Variants in ARHGEF28 observed in about 807,000 individuals in gnomAD.
ARHGEF28 encodes the protein Rho guanine nucleotide exchange factor 28.
In ARHGEF28, 152 loss-of-function variants were observed where a neutral mutation model predicts 206.6. The observed-to-expected ratio is 0.74, with a 90% CI of 0.64 to 0.84. ARHGEF28 has a LOEUF of 0.84. ARHGEF28 is among the 40% of genes least tolerant of loss of function. ARHGEF28 has a pLI of 0.00. For missense variants in ARHGEF28, 2,028 were observed against 2,073.2 expected (o/e 0.98, Z 0.42); for synonymous variants, 763 against 776.4 (o/e 0.98, Z 0.29).
intron 4 of ARHGEF28, among the ~76,000 whole-genome samples, chr5:73,755,323 G>A (rs1752248472): frequency 6.6e-6 from 1 of 151,292 alleles, no homozygotes; most frequent in South Asian, 2.1e-4. Flanking sequence ...TTTTGGGGGG[G>A]TGTGGATCCA....
chr5:73,663,315 C>G (rs1745733557), intron 1 of ARHGEF28, among the ~76,000 whole-genome samples: 1 of 152,150 alleles, frequency 6.6e-6, no homozygotes, highest in Non-Finnish European at 1.5e-5. Context: ...CAGGACTGTT[C>G]CTGTTACAGG....
At chr5:73,923,201 G>A in intron 35 of ARHGEF28, 1 of 1,511,952 alleles carries the variant, frequency 6.6e-7, no homozygotes, top group Non-Finnish European at 8.9e-7. Flanking sequence ...CTTCTTTTAG[G>A]GTACTCCACT....
At chr5:73,763,495 G>A (rs970776275) in intron 4 of ARHGEF28, among the ~76,000 whole-genome samples, 2 of 152,124 alleles carry the variant, frequency 1.3e-5, no homozygotes, top group African/African-American at 4.8e-5. Flanking sequence ...CATCTGCGAG[G>A]CATGATGAGT....
intron 35 of ARHGEF28, among the ~76,000 whole-genome samples, chr5:73,914,465 T>C (rs1429561863): frequency 6.6e-6 from 1 of 150,586 alleles, no homozygotes; most frequent in East Asian, 1.9e-4. Context: ...GGTAATATCT[T>C]GGCTCACTGC....
At position 73,757,441 on chromosome 5, in the gene ARHGEF28, G is replaced by A. The variant is rs1752376050; in HGVS notation, c.475+4239G>A. Among the ~76,000 whole-genome samples the A allele has an allele frequency of 2.0e-5, 3 of 152,244 alleles. No individual in the cohort carries two copies. In the South Asian group the frequency reaches 6.2e-4, roughly 32 times the overall value. On this transcript the variant is annotated intron_variant, in intron 4 of 35. Coordinates refer to ENST00000513042, the MANE Select transcript of ARHGEF28 (RefSeq NM_001177693.2). ...ATTCATTGATTTCTGTAATGACTTTGTCTTGGAAGAGTGATCAAAACCCTG... is the reference window on the plus strand; with the variant it reads ...ATTCATTGATTTCTGTAATGACTTTATCTTGGAAGAGTGATCAAAACCCTG...
intron 9 of ARHGEF28, among the ~76,000 whole-genome samples, chr5:73,821,534 C>T (rs138114875): frequency 2.0e-5 from 3 of 152,162 alleles, no homozygotes; most frequent in Admixed American, 6.5e-5. Flanking sequence ...CTGACTTATT[C>T]GTAGAGTTCT....
At chr5:73,898,376 T>A in intron 30 of ARHGEF28, 1 of 211,894 alleles carries the variant, frequency 4.7e-6, no homozygotes, top group Non-Finnish European at 9.7e-6. Context: ...CTACCCTGCC[T>A]CATTTTTGAT....
chr5:73,926,805 T>G (rs1763839000), intron 35 of ARHGEF28, among the ~76,000 whole-genome samples: 2 of 152,212 alleles, frequency 1.3e-5, no homozygotes, highest in South Asian at 4.1e-4. Flanking sequence ...GATATTCTGC[T>G]TTTATTCTAC....
At chr5:73,778,128 C>T (rs1252853657) in intron 6 of ARHGEF28, 1 of 151,762 alleles carries the variant, frequency 6.6e-6, no homozygotes, top group Admixed American at 6.6e-5. Flanking sequence ...TGTGGTTTCT[C>T]ACCAAAGCAC....
chr5:73,913,353 A>T (rs77999927), intron 35 of ARHGEF28, among the ~76,000 whole-genome samples: 9 of 123,354 alleles, frequency 7.3e-5, no homozygotes, highest in African/African-American at 3.1e-4. Context: ...ATTTATGTTT[A>T]CTTCATGATA....
At chr5:73,803,841 C>T (rs148954781) in intron 9 of ARHGEF28, among the ~76,000 whole-genome samples, 8,156 of 152,168 alleles carry the variant, frequency 0.054, 291 homozygotes, top group African/African-American at 0.096. Context: ...AATCCCAGCA[C>T]TTTGGGAGGC....
At chr5:73,741,163 C>T (rs1025571090) in intron 2 of ARHGEF28, among the ~76,000 whole-genome samples, 1 of 151,838 alleles carries the variant, frequency 6.6e-6, no homozygotes, top group African/African-American at 2.4e-5. Flanking sequence ...AGGAAGCAAG[C>T]TAAGGGGCTT....
chr5:73,790,140 G>C (rs886477345), intron 7 of ARHGEF28, among the ~76,000 whole-genome samples: 14 of 151,816 alleles, frequency 9.2e-5, no homozygotes, highest in African/African-American at 3.4e-4. Flanking sequence ...CAGACAAAAA[G>C]AGCAATGGAA....
intron 2 of ARHGEF28, among the ~76,000 whole-genome samples, chr5:73,723,318 A>AG (rs1306947411): frequency 3.9e-5 from 6 of 151,962 alleles, no homozygotes; most frequent in Admixed American, 1.3e-4. Flanking sequence ...CCTCCTGAGT[A>AG]CTGGGACTAC....
intron 1 of ARHGEF28, among the ~76,000 whole-genome samples, chr5:73,674,712 C>A (rs12516123): frequency 0.01 from 1,534 of 152,102 alleles, 26 homozygotes; most frequent in African/African-American, 0.035. Flanking sequence ...AGCTCCACCC[C>A]CCAACCTCTG....
rs189884135 is a variant in ARHGEF28, at chr5:73,798,367, A to G, written c.1024+2976A>G. ...ACCCATCCTTTGTAATGTTTTATTG[A>G]CCTTTCAGGGCATCAAGAATTAACA... On this transcript the variant is annotated intron_variant, in intron 9 of 35. Coordinates refer to ENST00000513042, the MANE Select transcript of ARHGEF28 (RefSeq NM_001177693.2). Among the ~76,000 whole-genome samples, 389 of 152,070 alleles carry G rather than the reference A, an allele frequency of 2.6e-3. 1 individual carries two copies. The highest frequency in any genetic ancestry group is 8.7e-3 in the African/African-American group (359 of 41,484).
chr5:73,630,760 C>A (rs56692172), intron 1 of ARHGEF28, among the ~76,000 whole-genome samples: 5,025 of 152,224 alleles, frequency 0.033, 299 homozygotes, highest in African/African-American at 0.11. Flanking sequence ...GACTGGATGA[C>A]CTCTAAGAGC....
chr5:73,794,262 ATTT>A, intron 7 of ARHGEF28, 137 bp from the exon 8 acceptor site: 2 of 630,566 alleles, frequency 3.2e-6, no homozygotes, highest in Non-Finnish European at 5.5e-6. Context: ...TGGAGAGCTG[ATTT>A]TTAAGAGGCC....
chr5:73,843,911 C>T (rs1758140478), intron 11 of ARHGEF28, among the ~76,000 whole-genome samples: 1 of 152,130 alleles, frequency 6.6e-6, no homozygotes, highest in Admixed American at 6.5e-5. Flanking sequence ...TGAACGTCCC[C>T]TATCTCCCAT....
Sources: gnomAD v4.1 joint callset for allele counts (sites outside exome capture counted in the v4.1 genomes callset) on GRCh38, gnomAD v4.1.1 for gene constraint, MANE v1.5 for transcripts, NCBI Gene and HGNC (gene_info 2026-07-23, HGNC 2026-07-21) for gene names.